The following PRKCB variants were observed in gnomAD, a reference collection of about 807,000 sequenced individuals.
The protein encoded by PRKCB is protein kinase C beta type.
A neutral mutation model predicts 81.5 loss-of-function variants in PRKCB; 13 were observed. The ratio of observed to expected loss-of-function variants is 0.16; its 90% CI spans 0.10 to 0.25. The LOEUF (loss-of-function observed/expected upper bound fraction) is 0.25, where lower values mean the gene tolerates loss of function less well. Ranked by LOEUF, PRKCB falls within the 10% of genes least tolerant of loss-of-function variation. The pLI is 1.00. For missense variants in PRKCB, 509 were observed against 875.7 expected, an observed-to-expected ratio of 0.58 and a Z score of 5.29; for synonymous variants, 335 against 321.4, an observed-to-expected ratio of 1.04 and a Z score of -0.45.
chr16:24,017,970 C>T (rs1965304809), intron 3 of PRKCB, among the ~76,000 whole-genome samples: 1 of 149,386 alleles, frequency 6.7e-6, no homozygotes, highest in African/African-American at 2.5e-5. Context: ...GCAATCTCAG[C>T]TCACTGCAAG....
At chr16:24,119,349 C>G (rs539019557) in intron 8 of PRKCB, among the ~76,000 whole-genome samples, 3 of 151,944 alleles carry the variant, frequency 2.0e-5, no homozygotes, top group Non-Finnish European at 4.4e-5. Context: ...TTCCCACCCC[C>G]CCAAAAAAGT....
At chr16:24,147,314 A>AAAAC (rs1275276619) in intron 9 of PRKCB, among the ~76,000 whole-genome samples, 1 of 151,784 alleles carries the variant, frequency 6.6e-6, no homozygotes, top group East Asian at 1.9e-4. Flanking sequence ...CTCAAAAAAA[A>AAAAC]AAAAAAAACT....
chr16:24,083,828 A>G (rs1009808864), intron 5 of PRKCB, among the ~76,000 whole-genome samples: 1 of 152,180 alleles, frequency 6.6e-6, no homozygotes, highest in African/African-American at 2.4e-5. Flanking sequence ...CAAAAAGTCA[A>G]TTTTACTGCA....
chr16:24,199,896 G>A (rs1044485051), intron 16 of PRKCB, among the ~76,000 whole-genome samples: 4 of 152,196 alleles, frequency 2.6e-5, no homozygotes, highest in Admixed American at 2.6e-4. Flanking sequence ...GAAGCACTTG[G>A]AGCCCCTGGT....
At chr16:24,060,824 T>C (rs886318456) in intron 5 of PRKCB, among the ~76,000 whole-genome samples, 8 of 152,242 alleles carry the variant, frequency 5.3e-5, no homozygotes, top group Non-Finnish European at 1.2e-4. Context: ...GTTCAGTTTC[T>C]CGATTTCATC....
intron 3 of PRKCB, among the ~76,000 whole-genome samples, chr16:24,012,224 T>C (rs1375721405): frequency 6.6e-6 from 1 of 152,238 alleles, no homozygotes; most frequent in African/African-American, 2.4e-5. Flanking sequence ...GCACCTATCA[T>C]ATGCCACGTG....
At chr16:24,002,243 G>T (rs1478930813) in intron 3 of PRKCB, among the ~76,000 whole-genome samples, 1 of 152,026 alleles carries the variant, frequency 6.6e-6, no homozygotes, top group Admixed American at 6.6e-5. Flanking sequence ...CCTCCACCAG[G>T]CTAGCTTAGT....
At position 23,952,454 on chromosome 16, in the gene PRKCB, G is replaced by A. The variant is rs549887651; in HGVS notation, c.206-36054G>A. Among the ~76,000 whole-genome samples, 310 of 152,314 alleles carry A rather than the reference G, an allele frequency of 2.0e-3. 16 individuals carry two copies. In the South Asian group the frequency reaches 0.062, roughly 31 times the overall value. On this transcript the variant is annotated intron_variant, in intron 2 of 16. Transcript: ENST00000643927. Reference sequence around the variant, plus strand: ...ACCTGTGTATGTGTGTGGGTGCTGGGGGCTGCATAGAGAGAGAGTTAAAAG... The same window carrying A: ...ACCTGTGTATGTGTGTGGGTGCTGGAGGCTGCATAGAGAGAGAGTTAAAAG...
At chr16:24,046,633 T>G (rs1596526851) in intron 5 of PRKCB, among the ~76,000 whole-genome samples, 1 of 148,002 alleles carries the variant, frequency 6.8e-6, no homozygotes, top group African/African-American at 2.5e-5. Flanking sequence ...GAGGGAAGAG[T>G]GAAGCAGCAG....
intron 5 of PRKCB, among the ~76,000 whole-genome samples, chr16:24,064,384 A>G (rs1043547156): frequency 1.3e-5 from 2 of 152,184 alleles, no homozygotes; most frequent in African/African-American, 4.8e-5. Context: ...GATTTTTCCT[A>G]TGATTTATTC....
intron 2 of PRKCB, among the ~76,000 whole-genome samples, chr16:23,896,890 A>G (rs1439742233): frequency 1.2e-5 from 1 of 81,912 alleles, no homozygotes; most frequent in Admixed American, 1.1e-4. Flanking sequence ...CCAACCATCC[A>G]TCCATCCATC....
At chr16:24,021,075 C>CTTTCTTTCTTTT (rs1229779910) in intron 3 of PRKCB, among the ~76,000 whole-genome samples, 1 of 121,988 alleles carries the variant, frequency 8.2e-6, no homozygotes, top group Non-Finnish European at 1.8e-5. Flanking sequence ...TCCCTCCCTT[C>CTTTCTTTCTTTT]TTTCTTTCTT....
chr16:24,206,874 C>T (rs1968054948), intron 16 of PRKCB, among the ~76,000 whole-genome samples: 1 of 152,220 alleles, frequency 6.6e-6, no homozygotes, highest in Non-Finnish European at 1.5e-5. Flanking sequence ...ATTAGCCTTC[C>T]TTATTATCCC....
intron 2 of PRKCB, among the ~76,000 whole-genome samples, chr16:23,891,459 A>G (rs560614404): frequency 2.9e-4 from 44 of 152,082 alleles, no homozygotes; most frequent in Non-Finnish European, 5.3e-4. Flanking sequence ...TCTGTGTTCA[A>G]TTTTTCCTGT....
chr16:24,000,360 A>G (rs1311642212), intron 3 of PRKCB, among the ~76,000 whole-genome samples: 1 of 152,220 alleles, frequency 6.6e-6, no homozygotes, highest in Non-Finnish European at 1.5e-5. Flanking sequence ...ACCTCTAGCT[A>G]TAAGTGGTTA....
Position 24,219,700 on chromosome 16 carries a change from ACACC to A in PRKCB, c.*4885_*4888del. The A allele has an allele frequency of 7.9e-7, 1 of 1,271,076 alleles. No homozygotes were observed. 78.7% of individuals were successfully genotyped at this position (1,271,076 alleles called of 1,614,324 possible). ...CACACACACACACACACACACACAC[ACACC>A]ACTTTATGGCAATTCTTAACTGACA... On this transcript the variant is annotated 3_prime_UTR_variant, in exon 17 of 17. Coordinates refer to ENST00000643927, the MANE Select transcript of PRKCB (RefSeq NM_002738.7).
intron 5 of PRKCB, among the ~76,000 whole-genome samples, chr16:24,051,617 G>T (rs1377446254): frequency 6.6e-6 from 1 of 152,142 alleles, no homozygotes; most frequent in Non-Finnish European, 1.5e-5. Flanking sequence ...GCTCATGCCT[G>T]TAATCCCAGA....
intron 2 of PRKCB, among the ~76,000 whole-genome samples, chr16:23,970,615 C>G (rs1473600572): frequency 6.6e-6 from 1 of 152,178 alleles, no homozygotes; most frequent in African/African-American, 2.4e-5. Flanking sequence ...ATTCAAATCC[C>G]TCTTCTTCTT....
At chr16:24,124,942 A>G (rs1031199072) in intron 9 of PRKCB, among the ~76,000 whole-genome samples, 3 of 152,060 alleles carry the variant, frequency 2.0e-5, no homozygotes, top group African/African-American at 7.2e-5. Context: ...ACTTCTCTTC[A>G]TCTCTCTAAT....
Sources: allele counts gnomAD v4.1 joint callset (sites outside exome capture counted in the v4.1 genomes callset), GRCh38; gene constraint gnomAD v4.1.1; transcripts MANE v1.5; gene names NCBI Gene and HGNC (gene_info 2026-07-23, HGNC 2026-07-21).